Variants in ATP2B4 observed in about 807,000 individuals in gnomAD.
The protein encoded by ATP2B4 is plasma membrane calcium-transporting ATPase 4.
A neutral mutation model predicts 110.3 loss-of-function variants in ATP2B4; 39 were observed. That is an observed-to-expected ratio of 0.35 (90% CI 0.27 to 0.46). The LOEUF (loss-of-function observed/expected upper bound fraction) is 0.46. Ranked by LOEUF, ATP2B4 falls within the 20% of genes least tolerant of loss-of-function variation. The pLI is 1.00. For missense variants in ATP2B4, 1,135 were observed against 1,530.9 expected, an observed-to-expected ratio of 0.74 and a Z score of 4.32; for synonymous variants, 538 against 571.7, an observed-to-expected ratio of 0.94 and a Z score of 0.84.
At chr1:203,688,421 C>G (rs116701189) in intron 2 of ATP2B4, among the ~76,000 whole-genome samples, 3 of 151,970 alleles carry the variant, frequency 2.0e-5, no homozygotes, top group Non-Finnish European at 2.9e-5. Flanking sequence ...ACCTTAGCCT[C>G]CTGGTTAACT....
rs1314917944 is a variant in ATP2B4, at chr1:203,683,144, T to C, written c.-62T>C. 2.4e-5 allele frequency: 37 copies of C among 1,548,402 alleles called. No individual in the cohort carries two copies. Among genetic ancestry groups the C allele is most frequent in the Non-Finnish European group, 3.2e-5 (37 of 1,143,118 alleles). On this transcript the variant is annotated 5_prime_UTR_variant, in exon 2 of 21. Transcript: ENST00000357681. ...GTTGAGACAGGGAGGCAGGAGACACTGGTCAGTTGAAGGGAAACGCTACAT... is the reference window on the plus strand; with the variant it reads ...GTTGAGACAGGGAGGCAGGAGACACCGGTCAGTTGAAGGGAAACGCTACAT...
intron 5 of ATP2B4, 101 bp from the exon 6 acceptor site, chr1:203,700,697 G>C: frequency 6.8e-7 from 1 of 1,476,228 alleles, no homozygotes; most frequent in African/African-American, 1.4e-5. Context: ...TTATCCATGG[G>C]GTAGGGAGGA....
rs368135477 is a variant in ATP2B4, at chr1:203,708,006, T to C, written c.1459T>C (p.Tyr487His). The C allele has an allele frequency of 2.5e-6, 4 of 1,614,084 alleles. No individual in the cohort carries two copies. The African/African-American group carries it at 4.0e-5, about 16-fold the overall frequency. ...VVQAYIGGIH[Y>H]RQIPSPDVFL... is the part of the protein sequence containing the mutation. ...ACAAGCTTATATTGGGGGCATCCAT[T>C]ACCGTCAAATCCCAAGCCCTGATGT... is the stretch of plus-strand genomic sequence containing the variant. The change falls in exon 10 of 21, where the codon TAC becomes CAC. Residue 487 changes from tyrosine (Y) to histidine (H), a missense_variant. By Grantham distance (83) the Tyr-to-His change is moderately conservative. Around this residue, in one of 9 missense-constraint regions of ATP2B4, gnomAD observed 368 missense variants for 455.9 expected, o/e 0.81. Coordinates refer to ENST00000357681, the MANE Select transcript of ATP2B4 (RefSeq NM_001684.5).
chr1:203,712,041 G>A lies in ATP2B4; in HGVS notation c.2113G>A (p.Ala705Thr). ...AGGTGACAACATCAACACAGCCCGGGCCATTGCCACCAAATGTGGCATTCT... is the reference window on the plus strand; with the variant it reads ...AGGTGACAACATCAACACAGCCCGGACCATTGCCACCAAATGTGGCATTCT... ...VTGDNINTAR[A>T]IATKCGILTP... The change falls in exon 13 of 21, where the codon GCC (alanine) becomes ACC (threonine). Residue 705 changes from alanine to threonine, a missense_variant. Ala to Thr is a moderately conservative substitution (Grantham distance 58). This residue lies in a region of ATP2B4 where 368 missense variants were observed against 455.9 expected (regional missense o/e 0.81). Coordinates refer to ENST00000357681, the MANE Select transcript of ATP2B4 (RefSeq NM_001684.5). 2 of 1,614,150 alleles carry A rather than the reference G, an allele frequency of 1.2e-6. No individual in the cohort carries two copies. The highest frequency in any genetic ancestry group is 1.7e-6 in the Non-Finnish European group (2 of 1,180,004).
intron 1 of ATP2B4, among the ~76,000 whole-genome samples, chr1:203,674,962 G>A (rs1446500429): frequency 1.3e-5 from 2 of 152,136 alleles, no homozygotes; most frequent in East Asian, 3.9e-4. Context: ...GCCCACCTTG[G>A]CCTCCCAAAG....
rs1571754698 is a variant in ATP2B4 at position 203,714,383 on chromosome 1, G to A, written c.2406+106G>A. 8 of 1,236,618 alleles carry A rather than the reference G, an allele frequency of 6.5e-6. No homozygotes were observed. The East Asian group carries it at 1.9e-4, about 30-fold the overall frequency. The allele number at this position is 1,236,618 out of a possible 1,614,324, so 76.6% of individuals were successfully genotyped here. ...CTTGCTACACCTGCATAGCCCATGG[G>A]GTGCTTTTTTGTCCAACTCCATCTC... On this transcript the variant is annotated intron_variant, in intron 15 of 20. Coordinates refer to ENST00000357681, the MANE Select transcript of ATP2B4 (RefSeq NM_001684.5).
chr1:203,656,826 A>C (rs899802907), intron 1 of ATP2B4: 16 of 319,862 alleles, frequency 5.0e-5, no homozygotes, highest in Non-Finnish European at 8.5e-5. Flanking sequence ...AAGACCATTT[A>C]TAAAACTGGA....
chr1:203,719,502 G>A (rs563562582), intron 15 of ATP2B4, among the ~76,000 whole-genome samples: 3 of 152,018 alleles, frequency 2.0e-5, no homozygotes, highest in South Asian at 4.2e-4. Context: ...CTGAGGTCAG[G>A]AGTTCAAGAC....
chr1:203,633,744 A>AAATAAATG (rs1166677039), intron 1 of ATP2B4, among the ~76,000 whole-genome samples: 1 of 151,660 alleles, frequency 6.6e-6, no homozygotes, highest in Non-Finnish European at 1.5e-5. Flanking sequence ...ATAAATAAAT[A>AAATAAATG]AAGTAAATGC....
chr1:203,705,731 C>T (rs1328676136), intron 8 of ATP2B4, among the ~76,000 whole-genome samples: 6 of 152,196 alleles, frequency 3.9e-5, no homozygotes, highest in Non-Finnish European at 8.8e-5. Context: ...CCTTGTTCTT[C>T]TTACAGAGTA....
At chr1:203,628,770 C>T (rs1663167839) in intron 1 of ATP2B4, among the ~76,000 whole-genome samples, 1 of 152,142 alleles carries the variant, frequency 6.6e-6, no homozygotes, top group African/African-American at 2.4e-5. Context: ...CCCAGGAAAG[C>T]AGCCTGGGAG....
rs1170913106 is a variant in ATP2B4, at chr1:203,676,875, A to G, written c.-464-5867A>G. Among the ~76,000 whole-genome samples the G allele has an allele frequency of 6.6e-5, 10 of 152,070 alleles. No individual in the cohort carries two copies. The East Asian group carries it at 1.9e-3, about 29-fold the overall frequency. On this transcript the variant is annotated intron_variant, in intron 1 of 20. Transcript: ENST00000357681. The stretch of plus-strand genomic sequence containing the variant: ...GGGTGTCTGCTCCCAAAAAGCTTTG[A>G]GTCTATCCCTATGCCTTCCCAGAAA...
In ATP2B4 at chr1:203,739,598, C is replaced by T; in HGVS notation, c.3362C>T (p.Pro1121Leu). 1 of 1,614,108 alleles carries T rather than the reference C, an allele frequency of 6.2e-7. No individual in the cohort carries two copies. Among genetic ancestry groups the T allele is most frequent in the South Asian group, 1.1e-5 (1 of 91,076 alleles). ...TCCCTCCACGAAAGCATTCAGAAAC[C>T]CTACAACCAAAAGTCCATCCACAGC... ...HSSLHESIQK[P>L]YNQKSIHSFM... Residue 1121 changes from proline (P) to leucine (L), a missense_variant, in exon 21 of 21, where the codon CCC (proline) becomes CTC (leucine). Pro to Leu is a moderately conservative substitution (Grantham distance 98). Transcript: ENST00000357681.
Position 203,710,885 on chromosome 1 carries a change from G to T in ATP2B4, c.1808G>T (p.Arg603Leu), listed in dbSNP as rs779728673. Residue 603 changes from arginine to leucine, a missense_variant, in exon 12 of 21, where the codon CGA (arginine) becomes CTA (leucine). Coordinates refer to ENST00000357681, the MANE Select transcript of ATP2B4 (RefSeq NM_001684.5). ...ACTGTGCGCCTCCCCAGGTGTAATC[G>T]AATCCTGGACCGGAAAGGGGAAGCA... ...ASEIILRKCN[R>L]ILDRKGEAVP... 3 of 1,612,204 alleles carry T rather than the reference G, an allele frequency of 1.9e-6. No homozygotes were observed. The Admixed American group carries it at 5.0e-5, about 27-fold the overall frequency.
intron 2 of ATP2B4, among the ~76,000 whole-genome samples, chr1:203,695,189 C>T (rs963447929): frequency 7.2e-5 from 11 of 152,236 alleles, no homozygotes; most frequent in East Asian, 3.9e-4. Flanking sequence ...TTTTGAGAAG[C>T]GTCCCAGGTA....
At chr1:203,734,178 G>A (rs12093773) in intron 20 of ATP2B4, among the ~76,000 whole-genome samples, 81,680 of 151,670 alleles carry the variant, frequency 0.54, 22,382 homozygotes, top group Admixed American at 0.66. Flanking sequence ...GCGGGCACCT[G>A]TAGTCCTATA....
chr1:203,728,095 G>A (rs757594724), intron 20 of ATP2B4: 12 of 412,142 alleles, frequency 2.9e-5, no homozygotes, highest in Non-Finnish European at 5.5e-5. Flanking sequence ...TAAGGCCATG[G>A]TGGGGAATCT....
At chr1:203,636,399 TTTCTCCCTCTC>T (rs1428062528) in intron 1 of ATP2B4, among the ~76,000 whole-genome samples, 1 of 152,170 alleles carries the variant, frequency 6.6e-6, no homozygotes, top group Admixed American at 6.5e-5. Context: ...TCTCTCTCTT[TTTCTCCCTCTC>T]TTCTCCTGGA....
At chr1:203,721,041 G>T (rs1666306065) in intron 16 of ATP2B4, among the ~76,000 whole-genome samples, 156 bp from the exon 17 acceptor site, 1 of 152,194 alleles carries the variant, frequency 6.6e-6, no homozygotes. Context: ...TGAGGAACTT[G>T]AGGCTCAAGG....
Sources: allele counts gnomAD v4.1 joint callset (sites outside exome capture counted in the v4.1 genomes callset), GRCh38; gene constraint gnomAD v4.1.1; regional missense constraint gnomAD v4.1.1; transcripts MANE v1.5; gene names NCBI Gene and HGNC (gene_info 2026-07-23, HGNC 2026-07-21).